Variants in GPR158 observed in about 807,000 individuals in gnomAD.
GPR158 encodes the protein G protein-coupled receptor 158, also known as metabotropic glycine receptor.
Under a neutral mutation model 78.2 loss-of-function variants are expected in GPR158, and 30 were observed. That is an observed-to-expected ratio of 0.38 (90% CI 0.29 to 0.52). The LOEUF (loss-of-function observed/expected upper bound fraction) is 0.52, where lower values mean the gene tolerates loss of function less well. GPR158 is among the 20% of genes least tolerant of loss of function. The probability of loss-of-function intolerance (pLI) is 0.83; values close to 1 mark genes in which losing one functional copy is unlikely to be tolerated. For missense variants in GPR158, 1,463 were observed against 1,523.5 expected (o/e 0.96, Z 0.66); for synonymous variants, 581 against 591.1 (o/e 0.98, Z 0.25).
intron 2 of GPR158, among the ~76,000 whole-genome samples, chr10:25,252,059 T>TCATTTCATC (rs1382468923): frequency 2.1e-4 from 32 of 152,208 alleles, no homozygotes; most frequent in African/African-American, 7.5e-4. Flanking sequence ...TTCATTTCAT[T>TCATTTCATC]CATTTCATCT....
intron 4 of GPR158, among the ~76,000 whole-genome samples, chr10:25,462,227 GTAACA>G: frequency 6.6e-6 from 1 of 152,302 alleles, no homozygotes; most frequent in East Asian, 1.9e-4. Flanking sequence ...CTGTAGAAAT[GTAACA>G]ACAAAGCTTG....
At chr10:25,404,209 G>A (rs1267722860) in intron 3 of GPR158, among the ~76,000 whole-genome samples, 2 of 152,026 alleles carry the variant, frequency 1.3e-5, no homozygotes, top group Non-Finnish European at 2.9e-5. Context: ...TGCTTTTTGA[G>A]CTTTAGAAAT....
At chr10:25,320,805 T>A (rs558178597) in intron 2 of GPR158, among the ~76,000 whole-genome samples, 2 of 152,188 alleles carry the variant, frequency 1.3e-5, no homozygotes, top group South Asian at 4.2e-4. Flanking sequence ...CTAGCAGGAG[T>A]TTTTATTCTA....
chr10:25,345,702 C>CAGT, intron 2 of GPR158, among the ~76,000 whole-genome samples: 1 of 151,906 alleles, frequency 6.6e-6, no homozygotes. Context: ...CTAATATTGA[C>CAGT]TTTCATCGCA....
chr10:25,283,780 A>G (rs375197944), intron 2 of GPR158, among the ~76,000 whole-genome samples: 5 of 152,158 alleles, frequency 3.3e-5, no homozygotes, highest in Admixed American at 1.3e-4. Flanking sequence ...CTTTTGCTGA[A>G]TTCAATCAAT....
At chr10:25,334,500 C>T (rs1855170990) in intron 2 of GPR158, among the ~76,000 whole-genome samples, 1 of 151,944 alleles carries the variant, frequency 6.6e-6, no homozygotes, top group African/African-American at 2.4e-5. Flanking sequence ...CCAAGTAAGT[C>T]CAGAATTGCT....
intron 2 of GPR158, among the ~76,000 whole-genome samples, chr10:25,390,158 G>A (rs1018247450): frequency 6.6e-6 from 1 of 152,148 alleles, no homozygotes; most frequent in Non-Finnish European, 1.5e-5. Context: ...TCCTCTATAA[G>A]TCTTGGGTAT....
chr10:25,450,399 TA>T (rs1433217199), intron 4 of GPR158, among the ~76,000 whole-genome samples: 1 of 18,620 alleles, frequency 5.4e-5, no homozygotes, highest in Non-Finnish European at 8.2e-5. Context: ...TTTTTTTTTT[TA>T]AACCTTAAAT....
At chr10:25,270,434 C>T (rs1397303780) in intron 2 of GPR158, among the ~76,000 whole-genome samples, 1 of 152,072 alleles carries the variant, frequency 6.6e-6, no homozygotes, top group Non-Finnish European at 1.5e-5. Context: ...TCCTGGAAGG[C>T]ATGCTTGAAG....
At chr10:25,502,962 AAAAGGC>A (rs1835961693) in intron 5 of GPR158, among the ~76,000 whole-genome samples, 1 of 152,220 alleles carries the variant, frequency 6.6e-6, no homozygotes, top group Non-Finnish European at 1.5e-5. Context: ...AGTGCTATCA[AAAAGGC>A]AAAGCTTCTC....
At chr10:25,528,033 A>G (rs1171948091) in intron 5 of GPR158, among the ~76,000 whole-genome samples, 1 of 152,112 alleles carries the variant, frequency 6.6e-6, no homozygotes, top group Non-Finnish European at 1.5e-5. Context: ...AAATAAATTT[A>G]TAATGAAAAG....
chr10:25,473,822 C>T (rs1329795724), intron 5 of GPR158, among the ~76,000 whole-genome samples: 2 of 152,210 alleles, frequency 1.3e-5, no homozygotes, highest in Admixed American at 6.5e-5. Context: ...TCCAACCACC[C>T]TGACCTTATT....
rs557488691 is a variant in GPR158 at position 25,470,620 on chromosome 10, G to A, written c.1404+3901G>A. Among the ~76,000 whole-genome samples the A allele has an allele frequency of 8.7e-4, 133 of 152,214 alleles. 2 individuals are homozygous for A. The South Asian group carries it at 0.023, about 27-fold the overall frequency. On this transcript the variant is annotated intron_variant, in intron 5 of 10. Transcript: ENST00000376351. Reference sequence around the variant, plus strand: ...TTCTAATTTTCTAGCATAGAGTTATGCATAATAATTAGTAACAGAAGCAAT... The same window carrying A: ...TTCTAATTTTCTAGCATAGAGTTATACATAATAATTAGTAACAGAAGCAAT...
At chr10:25,336,948 A>G (rs988041096) in intron 2 of GPR158, among the ~76,000 whole-genome samples, 1 of 152,076 alleles carries the variant, frequency 6.6e-6, no homozygotes, top group Non-Finnish European at 1.5e-5. Flanking sequence ...ACCTTCAATT[A>G]TATTACTCAT....
rs1852502539 is a variant in GPR158, at chr10:25,175,023, C to A, written c.-398C>A. On this transcript the variant is annotated 5_prime_UTR_variant, in exon 1 of 11. Transcript: ENST00000376351. The surrounding 1 kb of genome is among the most constrained non-coding windows in gnomAD (Gnocchi z 6.4). ...ACTATGGAGCAGCGTCTTCGGCGGC[C>A]GCGGCGGCAGCAGCAGCAGCAGCTT... 1.1e-5 allele frequency: 2 copies of A among 184,832 alleles called. No individual in the cohort carries two copies. The highest frequency in any genetic ancestry group is 1.1e-4 in the South Asian group (1 of 8,818). The allele number at this position is 184,832 out of a possible 1,614,324, so 11.4% of individuals were successfully genotyped here.
chr10:25,283,615 T>C (rs1345722024), intron 2 of GPR158, among the ~76,000 whole-genome samples: 1 of 151,984 alleles, frequency 6.6e-6, no homozygotes, highest in Non-Finnish European at 1.5e-5. Context: ...TCCAATTTCA[T>C]TGATTTTTGC....
intron 4 of GPR158, among the ~76,000 whole-genome samples, chr10:25,446,150 C>G (rs1425205338): frequency 6.6e-6 from 1 of 152,130 alleles, no homozygotes; most frequent in Non-Finnish European, 1.5e-5. Flanking sequence ...AAACTTTAAT[C>G]ACCTGAAGGA....
At chr10:25,531,956 T>C (rs1836428975) in intron 5 of GPR158, among the ~76,000 whole-genome samples, 1 of 152,080 alleles carries the variant, frequency 6.6e-6, no homozygotes, top group Admixed American at 6.5e-5. Flanking sequence ...CCTCTAGAAA[T>C]AGATGCTTAT....
chr10:25,409,237 T>C (rs1834555649), intron 3 of GPR158, among the ~76,000 whole-genome samples: 1 of 149,346 alleles, frequency 6.7e-6, no homozygotes, highest in Non-Finnish European at 1.5e-5. Flanking sequence ...CACAATCCTT[T>C]CTTTATTCTC....
Sources: allele counts gnomAD v4.1 joint callset (sites outside exome capture counted in the v4.1 genomes callset), GRCh38; gene constraint gnomAD v4.1.1; non-coding constraint Gnocchi (gnomAD v3.1); transcripts MANE v1.5; gene names NCBI Gene and HGNC (gene_info 2026-07-23, HGNC 2026-07-21).